CBFA2T2: variants seen among roughly 807,000 people sequenced by gnomAD.
CBFA2T2 encodes the protein protein CBFA2T2.
A neutral mutation model predicts 62.2 loss-of-function variants in CBFA2T2; 11 were observed. The ratio of observed to expected loss-of-function variants is 0.18; its 90% CI spans 0.11 to 0.29. CBFA2T2 has a LOEUF of 0.29. Ranked by LOEUF, CBFA2T2 falls within the 10% of genes least tolerant of loss-of-function variation. The pLI, the probability that CBFA2T2 is intolerant of heterozygous loss-of-function variation, is 1.00. For synonymous variants in CBFA2T2, 295 were observed against 287.5 expected (o/e 1.03, Z -0.27); for missense variants, 592 against 774.1 (o/e 0.76, Z 2.79).
In CBFA2T2 at chr20:33,647,944, C is replaced by T. The variant is rs1046233042; in HGVS notation, c.*3298C>T. 6 of 152,258 alleles carry T rather than the reference C, an allele frequency of 3.9e-5. No homozygotes were observed. Among genetic ancestry groups the T allele is most frequent in the African/African-American group, 1.4e-4 (6 of 41,464 alleles). 9.4% of individuals were successfully genotyped at this position (152,258 alleles called of 1,614,324 possible). A position where few individuals can be genotyped will look rare whatever the true frequency, so the allele number is the denominator to read the frequency against. ...CACGAGGGCCTCTGCCCAGGACCTT[C>T]TATTCACATTTCAAGAATCCCTTTC... On this transcript the variant is annotated 3_prime_UTR_variant, in exon 11 of 11. Coordinates refer to ENST00000342704, the MANE Select transcript of CBFA2T2 (RefSeq NM_001032999.3).
intron 1 of CBFA2T2, among the ~76,000 whole-genome samples, chr20:33,584,757 T>G (rs1265354152): frequency 6.6e-6 from 1 of 152,180 alleles, no homozygotes; most frequent in Non-Finnish European, 1.5e-5. Context: ...ATTTCCTGAT[T>G]ACAGAACAGG....
chr20:33,640,633 T>C, intron 10 of CBFA2T2, 102 bp downstream of exon 10: 1 of 1,030,446 alleles, frequency 9.7e-7, no homozygotes, highest in African/African-American at 1.6e-5. Flanking sequence ...CAGTCCACTC[T>C]TGAGCTCAAT....
chr20:33,490,279 C>T lies in CBFA2T2; in HGVS notation c.12C>T (p.Val4=). The change falls in exon 1 of 11, where the codon GTC becomes GTT. Residue 4 remains valine, a synonymous_variant. Transcript: ENST00000342704. MVG[V]PGAAAFQLGP... ...GGCGGCGCTCGGCGATGGTAGGCGT[C>T]CCTGGAGCGGCCGCCTTCCAGCGTA... The T allele has an allele frequency of 7.9e-7, 1 of 1,261,882 alleles. No homozygotes were observed. Among genetic ancestry groups the T allele is most frequent in the Non-Finnish European group, 9.9e-7 (1 of 1,005,188 alleles). The allele number at this position is 1,261,882 out of a possible 1,614,324, so 78.2% of individuals were successfully genotyped here. A position where few individuals can be genotyped will look rare whatever the true frequency, so the allele number is the denominator to read the frequency against.
At chr20:33,604,542 A>G (rs2015264408) in intron 1 of CBFA2T2, among the ~76,000 whole-genome samples, 1 of 152,246 alleles carries the variant, frequency 6.6e-6, no homozygotes, top group Admixed American at 6.5e-5. Flanking sequence ...AATGAAAAGT[A>G]TCAATCTGTA....
At chr20:33,628,780 A>G (rs186116299) in intron 7 of CBFA2T2, among the ~76,000 whole-genome samples, 17 of 152,240 alleles carry the variant, frequency 1.1e-4, no homozygotes, top group Non-Finnish European at 1.6e-4. Flanking sequence ...ACTTAATGCT[A>G]CCAATAATTA....
chr20:33,504,908 C>G (rs1457503067), intron 1 of CBFA2T2, among the ~76,000 whole-genome samples: 1 of 152,146 alleles, frequency 6.6e-6, no homozygotes, highest in Admixed American at 6.5e-5. Context: ...AAGGAATACT[C>G]TCTGTTACTT....
chr20:33,510,272 G>C (rs190863981), intron 1 of CBFA2T2, among the ~76,000 whole-genome samples: 87 of 150,544 alleles, frequency 5.8e-4, no homozygotes, highest in Non-Finnish European at 1.1e-3. Context: ...GTGCAGTGGC[G>C]CTATCTTGGC....
chr20:33,493,162 G>A (rs542625925), intron 1 of CBFA2T2, among the ~76,000 whole-genome samples: 2 of 134,054 alleles, frequency 1.5e-5, no homozygotes, highest in South Asian at 2.6e-4. Context: ...TGCAACCTCC[G>A]CCTCCTGGGT....
At chr20:33,523,840 A>T (rs1215172273) in intron 1 of CBFA2T2, among the ~76,000 whole-genome samples, 1 of 151,646 alleles carries the variant, frequency 6.6e-6, no homozygotes, top group Non-Finnish European at 1.5e-5. Flanking sequence ...ATGCGCCACC[A>T]CTCCCGGCTA....
chr20:33,543,894 T>C (rs2012469260), intron 1 of CBFA2T2, among the ~76,000 whole-genome samples: 1 of 152,150 alleles, frequency 6.6e-6, no homozygotes, highest in Non-Finnish European at 1.5e-5. Context: ...CAGGCTAGAG[T>C]GCAATCCTGT....
intron 1 of CBFA2T2, among the ~76,000 whole-genome samples, chr20:33,548,031 T>C (rs1023839901): frequency 6.6e-6 from 1 of 151,810 alleles, no homozygotes; most frequent in Non-Finnish European, 1.5e-5. Flanking sequence ...TCTGCCTCCT[T>C]AAGTGCTGGG....
intron 1 of CBFA2T2, among the ~76,000 whole-genome samples, chr20:33,514,214 T>TTTG (rs1555829690): frequency 7.8e-6 from 1 of 127,526 alleles, no homozygotes; most frequent in African/African-American, 2.9e-5. Flanking sequence ...TTGTTTTTTT[T>TTTG]TTTTTTTTTT....
chr20:33,647,388 G>C lies in CBFA2T2; in HGVS notation c.*2742G>C, dbSNP rs375294046. Reference sequence around the variant, plus strand: ...TAACCTCTGCCTCCCAGGTTCAAGCGAGTCTCCTGCCTCAGCCTTCTGAGT... The same window carrying C: ...TAACCTCTGCCTCCCAGGTTCAAGCCAGTCTCCTGCCTCAGCCTTCTGAGT... On this transcript the variant is annotated 3_prime_UTR_variant, in exon 11 of 11. Transcript: ENST00000342704. 12 of 152,322 alleles carry C rather than the reference G, an allele frequency of 7.9e-5. No individual in the cohort carries two copies. The East Asian group carries it at 1.9e-3, about 24-fold the overall frequency. The allele number at this position is 152,322 out of a possible 1,614,324, so 9.4% of individuals were successfully genotyped here.
chr20:33,623,708 G>C, intron 5 of CBFA2T2: 1 of 669,300 alleles, frequency 1.5e-6, no homozygotes, highest in South Asian at 1.7e-5. Context: ...ATGGATGTGA[G>C]CCACCATGCC....
chr20:33,547,139 G>T (rs1423128838), intron 1 of CBFA2T2, among the ~76,000 whole-genome samples: 5 of 152,180 alleles, frequency 3.3e-5, no homozygotes, highest in Non-Finnish European at 7.3e-5. Flanking sequence ...GGCAGAGGTT[G>T]CAGTGAGCCG....
chr20:33,624,236 T>TTAAAAAA (rs2016123935), intron 5 of CBFA2T2, among the ~76,000 whole-genome samples: 1 of 70,018 alleles, frequency 1.4e-5, no homozygotes, highest in African/African-American at 4.4e-5. Context: ...TTTTTAAAAG[T>TTAAAAAA]AAAAAAAAAA....
chr20:33,570,811 G>A lies in CBFA2T2; in HGVS notation c.35-36145G>A, dbSNP rs368915750. Among the ~76,000 whole-genome samples, 5 of 152,140 alleles carry A rather than the reference G, an allele frequency of 3.3e-5. No homozygotes were observed. The East Asian group carries it at 5.8e-4, about 18-fold the overall frequency. On this transcript the variant is annotated intron_variant, in intron 1 of 10. Coordinates refer to ENST00000342704, the MANE Select transcript of CBFA2T2 (RefSeq NM_001032999.3). ...TTTTCATCTGTTTTAATTTTATTAA[G>A]TTGTCCTCTCTCATTCCTAGGGCTA...
intron 1 of CBFA2T2, among the ~76,000 whole-genome samples, chr20:33,506,321 A>G (rs1016900783): frequency 1.3e-5 from 2 of 152,188 alleles, no homozygotes; most frequent in African/African-American, 2.4e-5. Context: ...CTGAATAGCA[A>G]AATGGCCAGT....
intron 6 of CBFA2T2, among the ~76,000 whole-genome samples, chr20:33,625,419 C>T (rs2016185199): frequency 6.6e-6 from 1 of 151,922 alleles, no homozygotes. Context: ...TCCAGGAAGT[C>T]AAAACTACAT....
Sources: gnomAD v4.1 joint callset for allele counts (sites outside exome capture counted in the v4.1 genomes callset) on GRCh38, gnomAD v4.1.1 for gene constraint, MANE v1.5 for transcripts, NCBI Gene and HGNC (gene_info 2026-07-23, HGNC 2026-07-21) for gene names.